The following HS3ST3A1 variants were observed in gnomAD, a reference collection of about 807,000 sequenced individuals.
The protein encoded by HS3ST3A1 is heparan sulfate-glucosamine 3-sulfotransferase 3A1.
HS3ST3A1 carries 19 observed loss-of-function variants against 25.7 expected under a neutral mutation model. That is an observed-to-expected ratio of 0.74 (90% CI 0.52 to 1.08). HS3ST3A1 has a LOEUF of 1.08. HS3ST3A1 is among the 50% of genes least tolerant of loss of function. HS3ST3A1 has a pLI of 0.00. For missense variants in HS3ST3A1, 459 were observed against 594.3 expected, an observed-to-expected ratio of 0.77 and a Z score of 2.37; for synonymous variants, 226 against 278.6, an observed-to-expected ratio of 0.81 and a Z score of 1.88.
chr17:13,563,006 C>T (rs1326481985), intron 1 of HS3ST3A1, among the ~76,000 whole-genome samples: 1 of 151,180 alleles, frequency 6.6e-6, no homozygotes, highest in Admixed American at 6.6e-5. Flanking sequence ...TTGAGTCAGA[C>T]GTAAAGGGGC....
intron 1 of HS3ST3A1, among the ~76,000 whole-genome samples, chr17:13,560,159 A>G (rs1250886201): frequency 2.0e-5 from 3 of 151,370 alleles, no homozygotes; most frequent in African/African-American, 7.3e-5. Context: ...GTATGGTGGC[A>G]CATGCCTGTA....
intron 1 of HS3ST3A1, among the ~76,000 whole-genome samples, chr17:13,509,925 T>C (rs1279732775): frequency 1.3e-5 from 2 of 152,218 alleles, no homozygotes; most frequent in Non-Finnish European, 2.9e-5. Flanking sequence ...TCTAGAAATA[T>C]AATGTGCCCA....
intron 1 of HS3ST3A1, among the ~76,000 whole-genome samples, chr17:13,558,862 T>C (rs1362756954): frequency 6.6e-6 from 1 of 152,122 alleles, no homozygotes; most frequent in Admixed American, 6.5e-5. Flanking sequence ...AAATAGCCCT[T>C]GAAGAAAAAA....
chr17:13,497,667 G>A (rs1383161569), intron 1 of HS3ST3A1, among the ~76,000 whole-genome samples: 1 of 152,230 alleles, frequency 6.6e-6, no homozygotes, highest in East Asian at 1.9e-4. Context: ...CAAAACACAT[G>A]AACAGGAGAG....
intron 1 of HS3ST3A1, among the ~76,000 whole-genome samples, chr17:13,541,102 A>G (rs2190854): frequency 0.43 from 65,762 of 152,056 alleles, 14,892 homozygotes; most frequent in Middle Eastern, 0.53. Context: ...CATATCCCCA[A>G]AGGCCTCCTT....
Position 13,495,363 on chromosome 17 carries a change from G to A in HS3ST3A1, c.*834C>T, listed in dbSNP as rs1299557830. 6.6e-6 allele frequency among the ~76,000 whole-genome samples: 1 copy of A among 152,160 alleles called. No homozygotes were observed. The highest frequency in any genetic ancestry group is 1.5e-5 in the Non-Finnish European group (1 of 68,026). On this transcript the variant is annotated 3_prime_UTR_variant, in exon 2 of 2. Coordinates refer to ENST00000284110, the MANE Select transcript of HS3ST3A1 (RefSeq NM_006042.3). ...GGCTCTTAAGAGAGGTTGTGTCCAG[G>A]TCTCAGTGGTTTTCTTGGACACAAC...
intron 1 of HS3ST3A1, among the ~76,000 whole-genome samples, chr17:13,594,010 T>C (rs868562848): frequency 6.6e-6 from 1 of 152,252 alleles, no homozygotes; most frequent in Middle Eastern, 3.4e-3. Flanking sequence ...AGCTTAGCGG[T>C]CTTGGCGTTG....
chr17:13,530,039 C>T (rs1314769822), intron 1 of HS3ST3A1, among the ~76,000 whole-genome samples: 1 of 145,630 alleles, frequency 6.9e-6, no homozygotes, highest in African/African-American at 2.5e-5. Context: ...CACATACACA[C>T]GGGTTGGGGT....
At chr17:13,547,886 T>C (rs1471425143) in intron 1 of HS3ST3A1, among the ~76,000 whole-genome samples, 4 of 149,288 alleles carry the variant, frequency 2.7e-5, no homozygotes, top group African/African-American at 1.0e-4. Context: ...CAGAATTGAA[T>C]TGAGTTGTTG....
At chr17:13,506,466 C>T (rs1211893557) in intron 1 of HS3ST3A1, among the ~76,000 whole-genome samples, 1 of 152,118 alleles carries the variant, frequency 6.6e-6, no homozygotes, top group Non-Finnish European at 1.5e-5. Context: ...AGTAAGGCTC[C>T]ACCAATCACA....
At chr17:13,597,138 A>T (rs1908598265) in intron 1 of HS3ST3A1, among the ~76,000 whole-genome samples, 1 of 152,188 alleles carries the variant, frequency 6.6e-6, no homozygotes, top group African/African-American at 2.4e-5. Flanking sequence ...AAGAGACTGG[A>T]TAATAAATAT....
chr17:13,531,916 C>T (rs534894255), intron 1 of HS3ST3A1, among the ~76,000 whole-genome samples: 2 of 152,260 alleles, frequency 1.3e-5, no homozygotes, highest in South Asian at 4.1e-4. Flanking sequence ...AATGATTCAG[C>T]ATTTACTAAT....
At chr17:13,565,919 CT>C (rs1254880813) in intron 1 of HS3ST3A1, among the ~76,000 whole-genome samples, 6 of 152,166 alleles carry the variant, frequency 3.9e-5, no homozygotes, top group African/African-American at 1.2e-4. Flanking sequence ...GTAAACCACC[CT>C]TTTACAGTTC....
At chr17:13,547,911 G>T (rs909510484) in intron 1 of HS3ST3A1, among the ~76,000 whole-genome samples, 3 of 144,868 alleles carry the variant, frequency 2.1e-5, no homozygotes, top group East Asian at 4.2e-4. Context: ...CCTACTTGGT[G>T]TCTGGAGAGT....
chr17:13,596,393 G>C (rs1043748595), intron 1 of HS3ST3A1, among the ~76,000 whole-genome samples: 1 of 139,376 alleles, frequency 7.2e-6, no homozygotes. Flanking sequence ...GTCTGCTCCC[G>C]CATGTGTGAG....
chr17:13,534,547 CAAAAAAAA>C (rs34383911), intron 1 of HS3ST3A1, among the ~76,000 whole-genome samples: 3 of 32,816 alleles, frequency 9.1e-5, no homozygotes, highest in Non-Finnish European at 1.8e-4. Context: ...CTACAAAATC[CAAAAAAAA>C]AAAAAAAAAA....
intron 1 of HS3ST3A1, among the ~76,000 whole-genome samples, chr17:13,529,570 T>C (rs1375481785): frequency 6.6e-6 from 1 of 152,244 alleles, no homozygotes; most frequent in Non-Finnish European, 1.5e-5. Context: ...CAAATCCCAT[T>C]TGACTTTTCA....
At chr17:13,560,494 C>T (rs1907512142) in intron 1 of HS3ST3A1, among the ~76,000 whole-genome samples, 1 of 151,734 alleles carries the variant, frequency 6.6e-6, no homozygotes, top group Non-Finnish European at 1.5e-5. Flanking sequence ...AAACATTCTC[C>T]TAAGTAATCA....
chr17:13,507,880 ACT>A (rs1227476918), intron 1 of HS3ST3A1, among the ~76,000 whole-genome samples: 2 of 151,454 alleles, frequency 1.3e-5, no homozygotes, highest in African/African-American at 4.9e-5. Context: ...ACTGCTGGGA[ACT>A]CTCTGTGCTG....
Sources: allele counts gnomAD v4.1 joint callset (sites outside exome capture counted in the v4.1 genomes callset), GRCh38; gene constraint gnomAD v4.1.1; transcripts MANE v1.5; gene names NCBI Gene and HGNC (gene_info 2026-07-23, HGNC 2026-07-21).